Variants in SPTBN4 observed in about 807,000 individuals in gnomAD.
The protein encoded by SPTBN4 is spectrin beta chain, non-erythrocytic 4.
In SPTBN4, 96 loss-of-function variants were observed where a neutral mutation model predicts 277.8. The observed-to-expected ratio is 0.35, with a 90% confidence interval of 0.29 to 0.41. The LOEUF is 0.41. Among genes scored for constraint, SPTBN4 ranks in the 10% least tolerant of loss-of-function variants. SPTBN4 has a pLI of 1.00. For synonymous variants in SPTBN4, 1,481 were observed against 1,580.3 expected (o/e 0.94, Z 1.49); for missense variants, 3,006 against 3,595.7 (o/e 0.84, Z 4.19).
At chr19:40,564,683 A>G (rs2081074558) in intron 27 of SPTBN4, among the ~76,000 whole-genome samples, 1 of 151,828 alleles carries the variant, frequency 6.6e-6, no homozygotes, top group Non-Finnish European at 1.5e-5. Flanking sequence ...ACAGAAAATG[A>G]AAAATTAGTT....
At chr19:40,543,414 C>T (rs939284405) in intron 20 of SPTBN4, among the ~76,000 whole-genome samples, 1 of 151,966 alleles carries the variant, frequency 6.6e-6, no homozygotes. Context: ...TGTGATTACC[C>T]ATGACTCTCT....
At chr19:40,530,226 A>G (rs1186817545) in intron 18 of SPTBN4, among the ~76,000 whole-genome samples, 1 of 151,974 alleles carries the variant, frequency 6.6e-6, no homozygotes, top group Non-Finnish European at 1.5e-5. Context: ...TTAGTGAGGC[A>G]GTCCAAGCCC....
chr19:40,475,232 C>T (rs1361693726), intron 2 of SPTBN4, among the ~76,000 whole-genome samples: 1 of 152,080 alleles, frequency 6.6e-6, no homozygotes, highest in Non-Finnish European at 1.5e-5. Context: ...AGATATGGAA[C>T]GTCATAATCA....
At chr19:40,503,515 A>C (rs1480604830) in intron 11 of SPTBN4, among the ~76,000 whole-genome samples, 1 of 151,266 alleles carries the variant, frequency 6.6e-6, no homozygotes, top group East Asian at 2.0e-4. Flanking sequence ...TCTCCAGGAC[A>C]ACAGGGGAGG....
chr19:40,496,034 C>T (rs1259018085), intron 6 of SPTBN4, among the ~76,000 whole-genome samples: 1 of 152,244 alleles, frequency 6.6e-6, no homozygotes, highest in Non-Finnish European at 1.5e-5. Context: ...CACTAGGTGA[C>T]ATTCGCTCAG....
chr19:40,536,569 AC>A (rs1403958839), intron 20 of SPTBN4, among the ~76,000 whole-genome samples: 4 of 151,634 alleles, frequency 2.6e-5, no homozygotes, highest in Non-Finnish European at 5.9e-5. Context: ...GGTCTCCAGG[AC>A]CCCCCTTACA....
intron 21 of SPTBN4, among the ~76,000 whole-genome samples, chr19:40,549,665 T>G (rs2080896267): frequency 6.6e-6 from 1 of 152,222 alleles, no homozygotes; most frequent in Non-Finnish European, 1.5e-5. Flanking sequence ...ACTCATTTAT[T>G]TACTTAACTA....
intron 7 of SPTBN4, 118 bp downstream of exon 7, chr19:40,497,722 A>C: frequency 2.6e-6 from 2 of 780,964 alleles, no homozygotes; most frequent in Non-Finnish European, 4.2e-6. Context: ...GCCTCTCCAA[A>C]TCCCAACTCT....
rs769055896 is a variant in SPTBN4 at position 40,513,110 on chromosome 19, C to T, written c.2321C>T (p.Ala774Val). 5.1e-4 allele frequency: 742 copies of T among 1,457,538 alleles called. 4 individuals carry two copies. Among genetic ancestry groups the T allele is most frequent in the Middle Eastern group, 3.1e-3 (13 of 4,152 alleles). 90.3% of individuals were successfully genotyped at this position (1,457,538 alleles called of 1,614,324 possible). A position where few individuals can be genotyped will look rare whatever the true frequency, so the allele number is the denominator to read the frequency against. ...RRERRLQEAR[A>V]LHQFGADLDG... ...GAGCGGCGGCTGCAGGAGGCGCGGG[C>T]GCTGCACCAGTTCGGCGCTGACCTC... The change falls in exon 14 of 36, where the codon GCG becomes GTG. Residue 774 changes from alanine to valine, a missense_variant. Ala to Val is a moderately conservative substitution (Grantham distance 64). This residue lies in a region of SPTBN4 where 1,759 missense variants were observed against 2,061.5 expected (regional missense o/e 0.85). Coordinates refer to ENST00000598249, the MANE Select transcript of SPTBN4 (RefSeq NM_020971.3).
Position 40,568,163 on chromosome 19 carries a change from C to T in SPTBN4, c.6837C>T (p.His2279=). Residue 2279 remains histidine (H), a synonymous_variant, in exon 31 of 36, where the codon CAC becomes CAT. Coordinates refer to ENST00000598249, the MANE Select transcript of SPTBN4 (RefSeq NM_020971.3). ...AGTCAGCGGAGCACGAGGCGGCACA[C>T]AGCCTTACCCTGGGCCGCTATGAGC... ...RQESAEHEAA[H]SLTLGRYEQM... is the part of the protein sequence containing the mutation. 1.3e-6 allele frequency: 2 copies of T among 1,583,784 alleles called. No homozygotes were observed. Among genetic ancestry groups the T allele is most frequent in the Non-Finnish European group, 1.7e-6 (2 of 1,165,682 alleles).
chr19:40,467,564 G>A (rs982131271), intron 1 of SPTBN4, among the ~76,000 whole-genome samples: 1 of 151,900 alleles, frequency 6.6e-6, no homozygotes, highest in African/African-American at 2.4e-5. Flanking sequence ...AGAGAGGCGC[G>A]GCCTGGGAAG....
At chr19:40,561,174 T>C (rs979952178) in intron 27 of SPTBN4, among the ~76,000 whole-genome samples, 2 of 152,124 alleles carry the variant, frequency 1.3e-5, no homozygotes, top group Non-Finnish European at 2.9e-5. Context: ...CCACCACGTC[T>C]GGCTAATTTT....
In SPTBN4 at chr19:40,497,620, G is replaced by A. The variant is rs1599732253; in HGVS notation, c.784+16G>A. ...GATCCTGAAGGTGAGCCTCTCGCGG[G>A]CCCAGCCCAGACTTCGTCTTGGGGG... is the stretch of plus-strand genomic sequence containing the variant. On this transcript the variant is annotated intron_variant, in intron 7 of 35. Transcript: ENST00000598249. 2 of 1,607,690 alleles carry A rather than the reference G, an allele frequency of 1.2e-6. No individual in the cohort carries two copies. Among genetic ancestry groups the A allele is most frequent in the Non-Finnish European group, 1.7e-6 (2 of 1,175,854 alleles).
intron 18 of SPTBN4, among the ~76,000 whole-genome samples, chr19:40,532,278 G>A (rs1417308972): frequency 1.4e-5 from 1 of 70,148 alleles, no homozygotes; most frequent in Non-Finnish European, 3.4e-5. Context: ...TTGGGTTGGA[G>A]AGCTTGTTTT....
At chr19:40,494,769 T>G in intron 5 of SPTBN4, 128 bp from the exon 6 acceptor site, 2 of 769,594 alleles carry the variant, frequency 2.6e-6, no homozygotes, top group Non-Finnish European at 4.3e-6. Flanking sequence ...CATCCATCCA[T>G]CTTTCTATGT....
At position 40,565,049 on chromosome 19, in the gene SPTBN4, G is replaced by A. The variant is rs188467419; in HGVS notation, c.5916-374G>A. ...GGAGACTGAGATGGGAGGATCACCT[G>A]AGGTCAGGAGTTCAAGACCAGCCTG... On this transcript the variant is annotated intron_variant, in intron 27 of 35. Coordinates refer to ENST00000598249, the MANE Select transcript of SPTBN4 (RefSeq NM_020971.3). Among the ~76,000 whole-genome samples the A allele has an allele frequency of 7.0e-4, 107 of 152,078 alleles. 1 individual carries two copies. In the East Asian group the frequency reaches 0.019, roughly 27 times the overall value.
Position 40,519,940 on chromosome 19 carries a change from G to A in SPTBN4, c.3443G>A (p.Arg1148His), listed in dbSNP as rs777819831. The change falls in exon 16 of 36, where the codon CGC becomes CAC. Residue 1148 changes from arginine to histidine, a missense_variant. Arg to His is a conservative substitution (Grantham distance 29). Around this residue, in one of 5 missense-constraint regions of SPTBN4, gnomAD observed 1,759 missense variants for 2,061.5 expected, o/e 0.85. Coordinates refer to ENST00000598249, the MANE Select transcript of SPTBN4 (RefSeq NM_020971.3). This position sits in a 1 kb window ranked among gnomAD's most constrained non-coding sequence, Gnocchi z 5.7. ...GACCAGCGCGAGGAAGACTATGCTC[G>A]CATCGTGGCGGCCAGCGAGGCGCTG... is the stretch of plus-strand genomic sequence containing the variant. Reference protein sequence around the residue: ...EVDQREEDYARIVAASEALLA... With the variant: ...EVDQREEDYAHIVAASEALLA... The A allele has an allele frequency of 6.5e-6, 10 of 1,547,996 alleles. No homozygotes were observed. In the South Asian group the frequency reaches 1.2e-4, roughly 19 times the overall value.
chr19:40,523,286 C>A, intron 16 of SPTBN4, 151 bp from the exon 17 acceptor site: 1 of 713,800 alleles, frequency 1.4e-6, no homozygotes, highest in Non-Finnish European at 2.3e-6. Flanking sequence ...GCAGAAGCAC[C>A]AGCATGGGCA....
At chr19:40,516,803 G>T (rs994576726) in intron 15 of SPTBN4, among the ~76,000 whole-genome samples, 2 of 152,080 alleles carry the variant, frequency 1.3e-5, no homozygotes, top group Non-Finnish European at 2.9e-5. Context: ...CAGCCTAGGT[G>T]ACAGAGCAAG....
Sources: gnomAD v4.1 joint callset for allele counts (sites outside exome capture counted in the v4.1 genomes callset) on GRCh38, gnomAD v4.1.1 for gene constraint, gnomAD v4.1.1 regional missense constraint, Gnocchi (gnomAD v3.1) non-coding constraint, MANE v1.5 for transcripts, NCBI Gene and HGNC (gene_info 2026-07-23, HGNC 2026-07-21) for gene names.